Variants in MREG observed in about 807,000 individuals in gnomAD.
MREG encodes dilute suppressor protein homolog.
In MREG, 31 loss-of-function variants were observed where a neutral mutation model predicts 28.5. That is an observed-to-expected ratio of 1.09 (90% CI 0.82 to 1.47). The LOEUF (loss-of-function observed/expected upper bound fraction) is 1.47. Ranked by LOEUF, MREG falls within the 40% of genes most tolerant of loss-of-function variation. The pLI is 0.00. For synonymous variants in MREG, 106 were observed against 95.2 expected, an observed-to-expected ratio of 1.11 and a Z score of -0.66; for missense variants, 256 against 257.4, an observed-to-expected ratio of 0.99 and a Z score of 0.04.
upstream of MREG, among the ~76,000 whole-genome samples, chr2:216,015,695 G>C (rs1694437971): frequency 6.6e-6 from 1 of 152,220 alleles, no homozygotes; most frequent in East Asian, 1.9e-4. Flanking sequence ...GTTTACACCA[G>C]GGTGGTGGGT....
chr2:216,016,184 CTG>C (rs1694446958), upstream of MREG, among the ~76,000 whole-genome samples: 1 of 152,210 alleles, frequency 6.6e-6, no homozygotes, highest in South Asian at 2.1e-4. Context: ...CAGCACAGGA[CTG>C]TGTTGTCATG....
At chr2:216,011,566 C>T (rs953715574) in intron 1 of MREG, among the ~76,000 whole-genome samples, 1 of 152,170 alleles carries the variant, frequency 6.6e-6, no homozygotes, top group Non-Finnish European at 1.5e-5. Flanking sequence ...ATAACTTGTG[C>T]CAGGTTACCT....
chr2:215,999,819 G>A (rs907344898), intron 1 of MREG, among the ~76,000 whole-genome samples: 2 of 152,168 alleles, frequency 1.3e-5, no homozygotes, highest in Non-Finnish European at 2.9e-5. Context: ...TGATGAGCCT[G>A]CAGGATGTTC....
chr2:216,030,444 T>G (rs1694662382), intron 1 of MREG, among the ~76,000 whole-genome samples: 1 of 152,108 alleles, frequency 6.6e-6, no homozygotes, highest in Admixed American at 6.6e-5. Flanking sequence ...CCTCACAGAG[T>G]TTTTGTAAGG....
chr2:215,953,351 A>G (rs1490350278), intron 2 of MREG, among the ~76,000 whole-genome samples: 1 of 152,222 alleles, frequency 6.6e-6, no homozygotes, highest in Non-Finnish European at 1.5e-5. Context: ...AGTGTTTTAA[A>G]ATAGCCATGC....
At chr2:216,022,128 G>A (rs148231220) in intron 1 of MREG, among the ~76,000 whole-genome samples, 3 of 152,234 alleles carry the variant, frequency 2.0e-5, no homozygotes, top group African/African-American at 7.2e-5. Context: ...GCTGGCACCT[G>A]TAATCCCAAC....
downstream of MREG, among the ~76,000 whole-genome samples, chr2:215,942,352 G>A (rs1032986574): frequency 2.0e-5 from 3 of 152,154 alleles, no homozygotes; most frequent in South Asian, 6.2e-4. Context: ...GTGGCTACTG[G>A]TCCTGCCGAG....
chr2:215,996,618 C>G (rs932727700), intron 1 of MREG, among the ~76,000 whole-genome samples, 153 bp from the exon 2 acceptor site: 9 of 152,030 alleles, frequency 5.9e-5, no homozygotes, highest in African/African-American at 2.2e-4. Flanking sequence ...AATAATTAAG[C>G]ATAACACAAC....
chr2:215,995,511 C>CCG lies in MREG; in HGVS notation c.255+794_255+795insCG, dbSNP rs1553553521. Among the ~76,000 whole-genome samples, 23 of 136,194 alleles carry CCG rather than the reference C, an allele frequency of 1.7e-4. 1 individual carries two copies. The highest frequency in any genetic ancestry group is 6.1e-4 in the African/African-American group (19 of 31,182). 89.3% of individuals were successfully genotyped at this position (136,194 alleles called of 152,430 possible). A position where few individuals can be genotyped will look rare whatever the true frequency, so the allele number is the denominator to read the frequency against. On this transcript the variant is annotated intron_variant, in intron 2 of 4. Coordinates refer to ENST00000263268, the MANE Select transcript of MREG (RefSeq NM_018000.3). ...TCCACAGCACCTCCACCCACCCCACCCCCCGCCACCAATATACACACTAAA... is the reference window on the plus strand; with the variant it reads ...TCCACAGCACCTCCACCCACCCCACCCGCCCCGCCACCAATATACACACTAAA...
chr2:216,005,609 C>T (rs1339618537), intron 1 of MREG, among the ~76,000 whole-genome samples: 1 of 151,646 alleles, frequency 6.6e-6, no homozygotes, highest in Non-Finnish European at 1.5e-5. Context: ...CGCCACCACA[C>T]CAAGCTAATT....
intron 2 of MREG, among the ~76,000 whole-genome samples, chr2:215,969,829 T>A (rs1437147697): frequency 2.6e-5 from 4 of 152,090 alleles, no homozygotes; most frequent in African/African-American, 9.7e-5. Context: ...CAGTTAAAGC[T>A]AGGCCTACTT....
intron 2 of MREG, among the ~76,000 whole-genome samples, chr2:215,966,604 T>TA (rs1354868616): frequency 1.1e-4 from 16 of 149,220 alleles, no homozygotes; most frequent in African/African-American, 3.9e-4. Context: ...ATTTTCCCTT[T>TA]TTTTTTTTTT....
At chr2:215,951,273 C>A (rs1394752433) in intron 2 of MREG, among the ~76,000 whole-genome samples, 1 of 152,174 alleles carries the variant, frequency 6.6e-6, no homozygotes, top group Non-Finnish European at 1.5e-5. Flanking sequence ...CCAATTACAT[C>A]TCTCCATAAC....
upstream of MREG, among the ~76,000 whole-genome samples, chr2:216,016,965 C>T (rs1372489562): frequency 1.3e-5 from 2 of 152,158 alleles, no homozygotes; most frequent in Non-Finnish European, 2.9e-5. Context: ...ATGAAATAGT[C>T]TTCTAAAAAA....
At chr2:215,941,321 C>G (rs58971794), downstream of MREG, among the ~76,000 whole-genome samples, 52,849 of 151,970 alleles carry the variant, frequency 0.35, 9,484 homozygotes, top group African/African-American at 0.42. Context: ...AGTCGACAGG[C>G]AGACTACCAT....
Position 215,996,318 on chromosome 2 carries a change from G to A in MREG, c.243C>T (p.Ala81=). Residue 81 remains alanine, a synonymous_variant, in exon 2 of 5, where the codon GCC becomes GCT. Transcript: ENST00000263268. ...YNLIVIRNQQ[A]KDSEEWQKLN... ...AAAAGGTGCTCACCTCTGAGTCTTT[G>A]GCCTGCTGATTACGAATGACTATCA... 1 of 1,613,654 alleles carries A rather than the reference G, an allele frequency of 6.2e-7. No homozygotes were observed. The highest frequency in any genetic ancestry group is 1.7e-5 in the Admixed American group (1 of 59,932).
chr2:215,961,323 G>A (rs965834580), intron 2 of MREG, among the ~76,000 whole-genome samples: 6 of 151,812 alleles, frequency 4.0e-5, no homozygotes, highest in African/African-American at 1.2e-4. Context: ...GGCTGGGCAG[G>A]TCAAACTCGG....
intron 2 of MREG, among the ~76,000 whole-genome samples, chr2:215,986,748 A>G (rs1482108384): frequency 6.6e-6 from 1 of 152,160 alleles, no homozygotes; most frequent in Non-Finnish European, 1.5e-5. Flanking sequence ...GTAAGACATG[A>G]CTTTGCTCCT....
intron 2 of MREG, among the ~76,000 whole-genome samples, chr2:215,979,505 A>T (rs899125503): frequency 2.1e-5 from 3 of 143,442 alleles, no homozygotes; most frequent in African/African-American, 7.6e-5. Context: ...AATAATAATA[A>T]TAATAATAAA....
Sources: gnomAD v4.1 joint callset for allele counts (sites outside exome capture counted in the v4.1 genomes callset) on GRCh38, gnomAD v4.1.1 for gene constraint, MANE v1.5 for transcripts, NCBI Gene and HGNC (gene_info 2026-07-23, HGNC 2026-07-21) for gene names.